The following EPHA5 variants were observed in gnomAD, a reference collection of about 807,000 sequenced individuals.
EPHA5 encodes the protein ephrin type-A receptor 5.
A neutral mutation model predicts 105.0 loss-of-function variants in EPHA5; 60 were observed. That is an observed-to-expected ratio of 0.57 (90% CI 0.46 to 0.71). EPHA5 has a LOEUF of 0.71. Ranked by LOEUF, EPHA5 falls within the 30% of genes least tolerant of loss-of-function variation. The probability of loss-of-function intolerance (pLI) is 0.00; values close to 1 mark genes in which losing one functional copy is unlikely to be tolerated. For synonymous variants in EPHA5, 513 were observed against 449.1 expected (o/e 1.14, Z -1.80); for missense variants, 1,218 against 1,274.7 (o/e 0.96, Z 0.68).
At chr4:65,663,184 G>T (rs550140008) in intron 1 of EPHA5, among the ~76,000 whole-genome samples, 1 of 152,028 alleles carries the variant, frequency 6.6e-6, no homozygotes, top group Non-Finnish European at 1.5e-5. Context: ...CAATTAAATG[G>T]CACTCTAAAG....
At position 65,591,073 on chromosome 4, in the gene EPHA5, T is replaced by A. The variant is rs185095176; in HGVS notation, c.910+10568A>T. 3.0e-4 allele frequency among the ~76,000 whole-genome samples: 46 copies of A among 152,222 alleles called. No homozygotes were observed. In the East Asian group the frequency reaches 8.5e-3, roughly 28 times the overall value. ...TTCCTTATTAGCTTACTGACCTTCA[T>A]GAAATTTTCAACTCATGTTAAATTT... is the stretch of plus-strand genomic sequence containing the variant. On this transcript the variant is annotated intron_variant, in intron 3 of 16. Coordinates refer to ENST00000613740, the MANE Select transcript of EPHA5 (RefSeq NM_001281766.3).
chr4:65,409,606 T>A (rs1001314623), intron 7 of EPHA5, among the ~76,000 whole-genome samples: 1 of 152,116 alleles, frequency 6.6e-6, no homozygotes, highest in Non-Finnish European at 1.5e-5. Flanking sequence ...TCACTGAAGG[T>A]TAAAATAATT....
At chr4:65,418,947 G>A (rs936480637) in intron 6 of EPHA5, among the ~76,000 whole-genome samples, 2 of 127,110 alleles carry the variant, frequency 1.6e-5, no homozygotes, top group Non-Finnish European at 3.1e-5. Context: ...GCAATGGTGC[G>A]ATCTTGGCTC....
chr4:65,558,677 A>G (rs557226429), intron 3 of EPHA5, among the ~76,000 whole-genome samples: 3 of 152,004 alleles, frequency 2.0e-5, no homozygotes, highest in African/African-American at 7.2e-5. Flanking sequence ...ATATCTCCTA[A>G]TGCTCCCTCC....
intron 5 of EPHA5, among the ~76,000 whole-genome samples, chr4:65,464,183 G>T (rs1728388083): frequency 6.6e-6 from 1 of 151,786 alleles, no homozygotes; most frequent in African/African-American, 2.4e-5. Flanking sequence ...TTTGGGAAGT[G>T]TAGGAGTTCA....
chr4:65,571,948 A>C lies in EPHA5; in HGVS notation c.910+29693T>G, dbSNP rs78115175. On this transcript the variant is annotated intron_variant, in intron 3 of 16. Coordinates refer to ENST00000613740, the MANE Select transcript of EPHA5 (RefSeq NM_001281766.3). ...GTTATATATTTCATGTTAGAAATGT[A>C]ACTCTCCAAAATAATTATTAAAATT... Among the ~76,000 whole-genome samples the C allele has an allele frequency of 4.1e-3, 628 of 152,196 alleles. 36 individuals are homozygous for C. In the East Asian group the frequency reaches 0.11, roughly 26 times the overall value.
chr4:65,614,124 T>C (rs1478180600), intron 2 of EPHA5, among the ~76,000 whole-genome samples: 1 of 151,938 alleles, frequency 6.6e-6, no homozygotes, highest in African/African-American at 2.4e-5. Context: ...GCGTCTTCTG[T>C]CAACTTGTTC....
At chr4:65,589,835 T>C (rs1742464911) in intron 3 of EPHA5, among the ~76,000 whole-genome samples, 1 of 152,116 alleles carries the variant, frequency 6.6e-6, no homozygotes, top group Non-Finnish European at 1.5e-5. Context: ...TGTGGGAAAA[T>C]GAAGGCTAAG....
chr4:65,652,498 A>G (rs1210887860), intron 1 of EPHA5, among the ~76,000 whole-genome samples: 2 of 152,134 alleles, frequency 1.3e-5, no homozygotes, highest in African/African-American at 4.8e-5. Flanking sequence ...AAACACTAAT[A>G]GGGCAAGAGC....
At chr4:65,578,405 T>G (rs141395973) in intron 3 of EPHA5, among the ~76,000 whole-genome samples, 1 of 152,258 alleles carries the variant, frequency 6.6e-6, no homozygotes, top group African/African-American at 2.4e-5. Context: ...GAAAAGGATA[T>G]AGGACAGGCA....
intron 5 of EPHA5, among the ~76,000 whole-genome samples, chr4:65,468,759 T>G (rs1475734570): frequency 2.7e-5 from 4 of 149,252 alleles, no homozygotes; most frequent in South Asian, 4.2e-4. Context: ...TGAAGACAGC[T>G]TAAGTACTAA....
intron 3 of EPHA5, among the ~76,000 whole-genome samples, chr4:65,544,642 G>A (rs979882299): frequency 1.3e-5 from 2 of 151,990 alleles, no homozygotes; most frequent in African/African-American, 4.8e-5. Context: ...ATGTAAATTC[G>A]TTCAACATTG....
chr4:65,555,743 A>T (rs559987994), intron 3 of EPHA5, among the ~76,000 whole-genome samples: 1 of 143,130 alleles, frequency 7.0e-6, no homozygotes, highest in Non-Finnish European at 1.5e-5. Flanking sequence ...GTTAAAAATC[A>T]TGAGGCCAAA....
In EPHA5 at chr4:65,414,228, C is replaced by T. The variant is rs139383003; in HGVS notation, c.1687+56G>A. The T allele has an allele frequency of 2.0e-4, 301 of 1,536,852 alleles. 4 individuals are homozygous for T. In the East Asian group the frequency reaches 5.6e-3, roughly 28 times the overall value. On this transcript the variant is annotated intron_variant, in intron 7 of 16. Transcript: ENST00000613740. ...CCCAGGGAGGGTATTGATCCACTGA[C>T]TCTTTTCTGGTAACCATTACTGAGA...
chr4:65,477,912 C>T (rs377121435), intron 5 of EPHA5, among the ~76,000 whole-genome samples: 11 of 152,214 alleles, frequency 7.2e-5, no homozygotes, highest in South Asian at 2.1e-4. Flanking sequence ...AAGGCCCTGA[C>T]GTGCTTTTTT....
chr4:65,385,743 T>A (rs1337189125), intron 8 of EPHA5, among the ~76,000 whole-genome samples: 2 of 151,866 alleles, frequency 1.3e-5, no homozygotes, highest in Non-Finnish European at 2.9e-5. Context: ...TGTGTGTGAT[T>A]ATATTCACAA....
intron 5 of EPHA5, among the ~76,000 whole-genome samples, chr4:65,422,674 T>A (rs1397734032): frequency 1.3e-5 from 2 of 152,096 alleles, no homozygotes; most frequent in Non-Finnish European, 2.9e-5. Context: ...CTTTCCATAT[T>A]GTACCTTCTG....
intron 16 of EPHA5, chr4:65,331,244 A>C (rs1720585957): frequency 9.7e-7 from 1 of 1,029,924 alleles, no homozygotes; most frequent in African/African-American, 1.7e-5. Context: ...GTTAATTTTC[A>C]CAAATAACAA....
chr4:65,585,831 ACAG>A (rs1412293800), intron 3 of EPHA5, among the ~76,000 whole-genome samples: 2 of 151,778 alleles, frequency 1.3e-5, no homozygotes, highest in East Asian at 3.9e-4. Flanking sequence ...ATGTTTTTCT[ACAG>A]CAGTATGGAC....
Sources: gnomAD v4.1 joint callset for allele counts (sites outside exome capture counted in the v4.1 genomes callset) on GRCh38, gnomAD v4.1.1 for gene constraint, MANE v1.5 for transcripts, NCBI Gene and HGNC (gene_info 2026-07-23, HGNC 2026-07-21) for gene names.